The following VPS13B variants were observed in gnomAD, a reference collection of about 807,000 sequenced individuals.
The protein encoded by VPS13B is intermembrane lipid transfer protein VPS13B.
Under a neutral mutation model 426.4 loss-of-function variants are expected in VPS13B, and 285 were observed. The observed-to-expected ratio is 0.67, with a 90% confidence interval of 0.61 to 0.74. The LOEUF (loss-of-function observed/expected upper bound fraction) is 0.74, where lower values mean the gene tolerates loss of function less well. Ranked by LOEUF, VPS13B falls within the 30% of genes least tolerant of loss-of-function variation. VPS13B has a pLI of 0.00. For missense variants in VPS13B, 4,537 were observed against 4,782.6 expected, an observed-to-expected ratio of 0.95 and a Z score of 1.51; for synonymous variants, 1,676 against 1,676.4, an observed-to-expected ratio of 1.00 and a Z score of 0.01.
intron 19 of VPS13B, among the ~76,000 whole-genome samples, chr8:99,311,526 T>C (rs1419056709): frequency 6.6e-6 from 1 of 152,228 alleles, no homozygotes; most frequent in Non-Finnish European, 1.5e-5. Flanking sequence ...TGCACTTTGG[T>C]CTGAGAGACA....
chr8:99,419,097 G>T (rs1285040572), intron 21 of VPS13B, among the ~76,000 whole-genome samples: 1 of 152,150 alleles, frequency 6.6e-6, no homozygotes, highest in Non-Finnish European at 1.5e-5. Context: ...GGTGGGGACT[G>T]GTGGGCAGTG....
At chr8:99,647,642 A>G (rs536663190) in intron 34 of VPS13B, among the ~76,000 whole-genome samples, 18 of 152,178 alleles carry the variant, frequency 1.2e-4, no homozygotes, top group Non-Finnish European at 2.4e-4. Context: ...GTAACTATAA[A>G]AAGAATATAT....
intron 39 of VPS13B, among the ~76,000 whole-genome samples, chr8:99,747,135 A>C (rs183867310): frequency 6.6e-6 from 1 of 152,234 alleles, no homozygotes; most frequent in East Asian, 1.9e-4. Context: ...TCTCACACTA[A>C]TGAATTGAAA....
chr8:99,109,698 T>G (rs528067026), intron 5 of VPS13B, among the ~76,000 whole-genome samples: 6 of 152,176 alleles, frequency 3.9e-5, no homozygotes, highest in Middle Eastern at 3.2e-3. Context: ...TACATTCTTA[T>G]AGCAAAGTAG....
chr8:99,492,627 C>G (rs1820675618), intron 25 of VPS13B, among the ~76,000 whole-genome samples: 1 of 152,208 alleles, frequency 6.6e-6, no homozygotes, highest in African/African-American at 2.4e-5. Context: ...TCTCAGACTG[C>G]TGCGCTAGCA....
chr8:99,823,061 A>T (rs969252134), intron 50 of VPS13B, among the ~76,000 whole-genome samples: 5 of 152,200 alleles, frequency 3.3e-5, no homozygotes, highest in African/African-American at 1.2e-4. Context: ...AGCAAGAAAC[A>T]TCTTCTCTGA....
chr8:99,835,491 C>G (rs572514606), intron 53 of VPS13B, 48 bp from the exon 54 acceptor site: 1 of 1,584,222 alleles, frequency 6.3e-7, no homozygotes, highest in East Asian at 2.2e-5. Flanking sequence ...TCCCCCAAGT[C>G]TCTGTCTTTA....
chr8:99,116,667 T>G (rs1262049076), intron 7 of VPS13B, among the ~76,000 whole-genome samples: 1 of 149,440 alleles, frequency 6.7e-6, no homozygotes, highest in African/African-American at 2.5e-5. Flanking sequence ...CTCCTAGGCA[T>G]AAGCTATCTG....
In VPS13B at chr8:99,861,773, C is replaced by T; in HGVS notation, c.11045-3C>T. 1 of 1,592,208 alleles carries T rather than the reference C, an allele frequency of 6.3e-7. No individual in the cohort carries two copies. The highest frequency in any genetic ancestry group is 1.3e-5 in the African/African-American group (1 of 74,792). On this transcript the variant is annotated splice_region_variant and splice_polypyrimidine_tract_variant and intron_variant, in intron 57 of 61. Transcript: ENST00000357162. ...GGCTAACCCCATGCTCTTGTTCCCT[C>T]AGGTACCCTCACATCCATCACCAAC...
chr8:99,121,720 C>A, intron 8 of VPS13B: 1 of 692,912 alleles, frequency 1.4e-6, no homozygotes, highest in Non-Finnish European at 2.0e-6. Flanking sequence ...GGTGTACAAA[C>A]ATGCCTTAAT....
chr8:99,497,442 A>G (rs1462059315), intron 25 of VPS13B, among the ~76,000 whole-genome samples: 1 of 150,370 alleles, frequency 6.7e-6, no homozygotes, highest in Non-Finnish European at 1.5e-5. Context: ...TACCTAAAGT[A>G]AGAATTGATA....
chr8:99,283,170 GAAA>G (rs1819257294), intron 19 of VPS13B, among the ~76,000 whole-genome samples: 1 of 152,128 alleles, frequency 6.6e-6, no homozygotes, highest in Non-Finnish European at 1.5e-5. Flanking sequence ...TCCTAATGTA[GAAA>G]TAAGTGAATT....
chr8:99,811,487 G>A (rs1475534194), intron 44 of VPS13B, among the ~76,000 whole-genome samples: 2 of 152,162 alleles, frequency 1.3e-5, no homozygotes, highest in Non-Finnish European at 2.9e-5. Context: ...CAGAGTTTCA[G>A]ATTGGGTGTG....
intron 33 of VPS13B, among the ~76,000 whole-genome samples, chr8:99,579,558 C>T (rs1466565847): frequency 6.6e-6 from 1 of 152,112 alleles, no homozygotes; most frequent in East Asian, 1.9e-4. Flanking sequence ...CCACCATGCC[C>T]AGCTAATTTT....
chr8:99,750,389 T>G (rs1205723531), intron 39 of VPS13B, among the ~76,000 whole-genome samples: 3 of 152,126 alleles, frequency 2.0e-5, no homozygotes, highest in African/African-American at 7.2e-5. Context: ...TTATATTACT[T>G]CCTTCCACTT....
intron 33 of VPS13B, among the ~76,000 whole-genome samples, chr8:99,594,369 T>A (rs1442191712): frequency 1.3e-5 from 2 of 151,854 alleles, no homozygotes; most frequent in Non-Finnish European, 2.9e-5. Flanking sequence ...CCCAATGGGG[T>A]TGTTGTAGAG....
intron 32 of VPS13B, 24 bp from the exon 33 acceptor site, chr8:99,577,466 T>G (rs771212624): frequency 6.2e-7 from 1 of 1,613,444 alleles, no homozygotes; most frequent in Non-Finnish European, 8.5e-7. Context: ...TTTCTTTATC[T>G]GTATTCTACC....
intron 34 of VPS13B, among the ~76,000 whole-genome samples, chr8:99,643,207 ATGTAGATT>A (rs1444819106): frequency 6.6e-6 from 1 of 152,108 alleles, no homozygotes; most frequent in Non-Finnish European, 1.5e-5. Flanking sequence ...CCCTGAGTTA[ATGTAGATT>A]TGGAGATTTG....
At chr8:99,163,842 C>T (rs1811835174) in intron 15 of VPS13B, among the ~76,000 whole-genome samples, 1 of 152,216 alleles carries the variant, frequency 6.6e-6, no homozygotes, top group Admixed American at 6.5e-5. Flanking sequence ...CAGAAAGGGG[C>T]TCCCACAGTG....
Sources: gnomAD v4.1 joint callset for allele counts (sites outside exome capture counted in the v4.1 genomes callset) on GRCh38, gnomAD v4.1.1 for gene constraint, MANE v1.5 for transcripts, NCBI Gene and HGNC (gene_info 2026-07-23, HGNC 2026-07-21) for gene names.